SATL1: variants seen among roughly 807,000 people sequenced by gnomAD.
SATL1 encodes spermidine/spermine N(1)-acetyltransferase-like protein 1.
A neutral mutation model predicts 51.8 loss-of-function variants in SATL1; 47 were observed. That is an observed-to-expected ratio of 0.91 (90% CI 0.72 to 1.16). The LOEUF (loss-of-function observed/expected upper bound fraction) is 1.16. Ranked by LOEUF, SATL1 falls within the 50% of genes most tolerant of loss-of-function variation. The pLI is 0.00. For missense variants in SATL1, 520 were observed against 526.4 expected (o/e 0.99, Z 0.12); for synonymous variants, 176 against 182.4 (o/e 0.97, Z 0.28).
intron 2 of SATL1, among the ~76,000 whole-genome samples, chrX:85,128,522 A>C (rs1396903423): frequency 3.6e-5 from 4 of 112,088 alleles, no homozygotes; most frequent in Non-Finnish European, 5.6e-5. Flanking sequence ...AATTTGTTTA[A>C]GTTCTTTGTA....
intron 2 of SATL1, among the ~76,000 whole-genome samples, chrX:85,186,847 G>A (rs975259930): frequency 9.0e-6 from 1 of 111,729 alleles, no homozygotes; most frequent in African/African-American, 3.3e-5. Context: ...TTTTGTGTTT[G>A]TGGATAGTTG....
chrX:85,162,282 A>G lies in SATL1; in HGVS notation c.-312-53002T>C, dbSNP rs773912748. ...CCAGGAGCAAACCAACCCCAAAGCT[A>G]GCAGAAAACAGGAAATAACCAAAAC... is the stretch of plus-strand genomic sequence containing the variant. On this transcript the variant is annotated intron_variant, in intron 2 of 7. Coordinates refer to ENST00000644105, the MANE Select transcript of SATL1 (RefSeq NM_001367857.2). Among the ~76,000 whole-genome samples, 6 of 111,662 alleles carry G rather than the reference A, an allele frequency of 5.4e-5. No individual in the cohort carries two copies. In the East Asian group the frequency reaches 1.7e-3, roughly 31 times the overall value.
intron 2 of SATL1, among the ~76,000 whole-genome samples, chrX:85,208,522 G>A (rs980461672): frequency 3.6e-5 from 4 of 111,753 alleles, no homozygotes; most frequent in Admixed American, 1.9e-4. Context: ...CACCAACAGT[G>A]TAAAAGCATT....
At chrX:85,233,497 T>C (rs1304967825) in intron 1 of SATL1, among the ~76,000 whole-genome samples, 1 of 111,938 alleles carries the variant, frequency 8.9e-6, no homozygotes, top group Non-Finnish European at 1.9e-5. Context: ...AGACAGATAA[T>C]TCAAAATAGC....
chrX:85,099,828 G>A (rs1396816728), intron 4 of SATL1, among the ~76,000 whole-genome samples: 2 of 112,375 alleles, frequency 1.8e-5, no homozygotes, highest in Non-Finnish European at 3.8e-5. Flanking sequence ...TTAGGAAGAA[G>A]ACAAAGATTC....
rs891712952 is a variant in SATL1, at chrX:85,161,565, A to G, written c.-312-52285T>C. On this transcript the variant is annotated intron_variant, in intron 2 of 7. Coordinates refer to ENST00000644105, the MANE Select transcript of SATL1 (RefSeq NM_001367857.2). ...TTTAAACCAACAGAGATCAAAACAG[A>G]CAAAGAAGGGAACTACATAACAGTA... Among the ~76,000 whole-genome samples the G allele has an allele frequency of 2.7e-5, 3 of 111,265 alleles. No individual in the cohort carries two copies. The East Asian group carries it at 8.4e-4, about 31-fold the overall frequency.
At chrX:85,232,075 T>G (rs1487770435) in intron 1 of SATL1, among the ~76,000 whole-genome samples, 1 of 107,286 alleles carries the variant, frequency 9.3e-6, no homozygotes, top group African/African-American at 3.4e-5. Flanking sequence ...GACGTTGTCT[T>G]GCAACTTGGA....
chrX:85,121,618 T>C (rs1346990046), intron 2 of SATL1, among the ~76,000 whole-genome samples: 1 of 107,066 alleles, frequency 9.3e-6, no homozygotes, highest in Non-Finnish European at 1.9e-5. Context: ...GTCTTATTGA[T>C]CCCTATGGTA....
intron 5 of SATL1, 60 bp from the exon 6 acceptor site, chrX:85,094,289 C>A (rs951296274): frequency 3.2e-6 from 2 of 621,605 alleles, no homozygotes; most frequent in East Asian, 3.3e-5. Flanking sequence ...GTTCTTTACC[C>A]CCAAATTGAA....
At chrX:85,206,528 AG>A (rs1410318165) in intron 2 of SATL1, among the ~76,000 whole-genome samples, 2 of 111,971 alleles carry the variant, frequency 1.8e-5, no homozygotes, top group African/African-American at 6.5e-5. Context: ...AATTACTATT[AG>A]ATTTGGCAAC....
chrX:85,215,660 T>A (rs1354600986), intron 2 of SATL1, among the ~76,000 whole-genome samples: 3 of 112,604 alleles, frequency 2.7e-5, no homozygotes, highest in Non-Finnish European at 5.6e-5. Context: ...ATGGACACAA[T>A]GCAGCCAAGT....
At chrX:85,146,824 C>T (rs760472248) in intron 2 of SATL1, among the ~76,000 whole-genome samples, 17 of 112,638 alleles carry the variant, frequency 1.5e-4, no homozygotes, top group African/African-American at 1.9e-4. Flanking sequence ...AATACATGGA[C>T]ATTTCTGGCT....
intron 4 of SATL1, among the ~76,000 whole-genome samples, chrX:85,101,709 G>T (rs1316754500): frequency 9.0e-6 from 1 of 111,433 alleles, no homozygotes; most frequent in Non-Finnish European, 1.9e-5. Flanking sequence ...CAGCAACTCA[G>T]ACAGATACTT....
intron 2 of SATL1, among the ~76,000 whole-genome samples, chrX:85,202,868 G>T (rs12010106): frequency 0.046 from 5,126 of 111,531 alleles, 322 homozygotes; most frequent in African/African-American, 0.16. Flanking sequence ...TAGTCCAAGG[G>T]TGGCAAGGGC....
intron 2 of SATL1, chrX:85,153,617 A>G (rs1386482129): frequency 8.9e-6 from 1 of 111,945 alleles, no homozygotes; most frequent in African/African-American, 3.2e-5. Flanking sequence ...GAAGGTCTTA[A>G]GGAGAAATGT....
Position 85,093,019 on chromosome X carries a change from G to A in SATL1, c.1917+166C>T, listed in dbSNP as rs1047191959. The A allele has an allele frequency of 1.5e-5, 7 of 460,191 alleles. No homozygotes were observed. In the African/African-American group the frequency reaches 1.7e-4, roughly 11 times the overall value. The allele number at this position is 460,191 out of a possible 1,213,427, so 37.9% of individuals were successfully genotyped here. On this transcript the variant is annotated intron_variant, in intron 7 of 7. Transcript: ENST00000644105. The stretch of plus-strand genomic sequence containing the variant: ...TTTAATTGACTATAATTCATATACT[G>A]TATATGATCATCTGATTTGAAAATC...
chrX:85,172,304 T>C (rs183966758), intron 2 of SATL1, among the ~76,000 whole-genome samples: 77 of 111,668 alleles, frequency 6.9e-4, no homozygotes, highest in Non-Finnish European at 4.9e-4. Context: ...GAGTATCTAC[T>C]ACATGTTAGA....
chrX:85,238,235 G>T (rs1928519433), intron 1 of SATL1, among the ~76,000 whole-genome samples: 1 of 111,673 alleles, frequency 9.0e-6, no homozygotes, highest in East Asian at 2.8e-4. Flanking sequence ...AAGGAATTCA[G>T]TATATTGAAG....
In SATL1 at chrX:85,182,475, T is replaced by C. The variant is rs192599198; in HGVS notation, c.-313+41730A>G. Reference sequence around the variant, plus strand: ...CATTGTGTATACATACCACATTTTCTTTATCCATTCATCTGTTGTTTGACA... The same window carrying C: ...CATTGTGTATACATACCACATTTTCCTTATCCATTCATCTGTTGTTTGACA... On this transcript the variant is annotated intron_variant, in intron 2 of 7. Coordinates refer to ENST00000644105, the MANE Select transcript of SATL1 (RefSeq NM_001367857.2). 6.0e-3 allele frequency among the ~76,000 whole-genome samples: 671 copies of C among 112,172 alleles called. 3 individuals carry two copies. The highest frequency in any genetic ancestry group is 0.02 in the African/African-American group (627 of 30,941).
Sources: allele counts gnomAD v4.1 joint callset (sites outside exome capture counted in the v4.1 genomes callset), GRCh38; gene constraint gnomAD v4.1.1; transcripts MANE v1.5; gene names NCBI Gene and HGNC (gene_info 2026-07-23, HGNC 2026-07-21).